CDK14: variants seen among roughly 807,000 people sequenced by gnomAD.
CDK14 encodes the protein cyclin-dependent kinase 14.
CDK14 carries 34 observed loss-of-function variants against 60.7 expected under a neutral mutation model. That is an observed-to-expected ratio of 0.56 (90% confidence interval 0.43 to 0.75). CDK14 has a LOEUF of 0.75. Ranked by LOEUF, CDK14 falls within the 30% of genes least tolerant of loss-of-function variation. The pLI is 0.00. For missense variants in CDK14, 482 were observed against 564.1 expected (o/e 0.85, Z 1.47); for synonymous variants, 197 against 203.7 (o/e 0.97, Z 0.28).
intron 6 of CDK14, among the ~76,000 whole-genome samples, chr7:90,874,498 T>A: frequency 7.3e-6 from 1 of 137,922 alleles, no homozygotes; most frequent in Non-Finnish European, 1.5e-5. Flanking sequence ...TCATGTCCTT[T>A]CATCCTTTTT....
chr7:90,959,909 G>A (rs1475617479), intron 9 of CDK14, among the ~76,000 whole-genome samples: 1 of 152,124 alleles, frequency 6.6e-6, no homozygotes, highest in Non-Finnish European at 1.5e-5. Flanking sequence ...TTAAGCAGAG[G>A]AATCAAATTG....
intron 2 of CDK14, among the ~76,000 whole-genome samples, chr7:90,643,128 A>G (rs1490447417): frequency 6.6e-6 from 1 of 152,360 alleles, no homozygotes; most frequent in East Asian, 1.9e-4. Context: ...TGTACAGCTC[A>G]AAAGATGAGC....
chr7:90,833,199 T>A (rs1187467432), intron 5 of CDK14, among the ~76,000 whole-genome samples: 1 of 152,204 alleles, frequency 6.6e-6, no homozygotes, highest in Non-Finnish European at 1.5e-5. Context: ...CAACTATTAG[T>A]TGATTGATAA....
intron 2 of CDK14, among the ~76,000 whole-genome samples, chr7:90,635,534 T>C (rs1800122257): frequency 1.3e-5 from 2 of 152,228 alleles, no homozygotes; most frequent in South Asian, 4.1e-4. Context: ...TTGGTTACTG[T>C]AGCCTTGTAG....
At chr7:90,773,915 T>C (rs1464746102) in intron 4 of CDK14, among the ~76,000 whole-genome samples, 1 of 145,008 alleles carries the variant, frequency 6.9e-6, no homozygotes, top group East Asian at 2.1e-4. Context: ...TTTTTTTTTT[T>C]TTTTTTGAGA....
chr7:90,653,682 ATTATAC>A (rs1008653206), intron 2 of CDK14, among the ~76,000 whole-genome samples: 50 of 152,122 alleles, frequency 3.3e-4, no homozygotes, highest in Non-Finnish European at 4.1e-4. Flanking sequence ...ATTTATTTTT[ATTATAC>A]TTTAAGTTCT....
chr7:91,186,347 A>G (rs1485943623), intron 14 of CDK14, among the ~76,000 whole-genome samples: 2 of 142,314 alleles, frequency 1.4e-5, no homozygotes, highest in Non-Finnish European at 3.1e-5. Flanking sequence ...TTTTATGGAT[A>G]TACCACATTT....
intron 2 of CDK14, among the ~76,000 whole-genome samples, chr7:90,604,831 GC>G (rs1486480321): frequency 6.6e-6 from 1 of 152,162 alleles, no homozygotes; most frequent in Non-Finnish European, 1.5e-5. Flanking sequence ...TTTTAAAATT[GC>G]AGTCATTCCT....
intron 14 of CDK14, among the ~76,000 whole-genome samples, chr7:91,158,094 T>C (rs1016937336): frequency 1.4e-5 from 2 of 147,736 alleles, no homozygotes; most frequent in African/African-American, 4.9e-5. Flanking sequence ...ATACATTAAA[T>C]ATATATAAAT....
chr7:90,713,267 G>A (rs183695364), intron 2 of CDK14, among the ~76,000 whole-genome samples: 51 of 152,002 alleles, frequency 3.4e-4, no homozygotes, highest in African/African-American at 1.1e-3. Flanking sequence ...ATTTTCTGTC[G>A]ACCATTTTGA....
chr7:90,960,164 A>G (rs540705615), intron 9 of CDK14, among the ~76,000 whole-genome samples: 12 of 152,044 alleles, frequency 7.9e-5, no homozygotes, highest in Non-Finnish European at 1.6e-4. Flanking sequence ...GAGGAATATA[A>G]ATTTTTAAAA....
At chr7:90,977,904 C>T (rs1795124593) in intron 9 of CDK14, among the ~76,000 whole-genome samples, 1 of 152,064 alleles carries the variant, frequency 6.6e-6, no homozygotes, top group Admixed American at 6.6e-5. Context: ...GATGTTCCAT[C>T]TAGAGGAGAC....
intron 6 of CDK14, among the ~76,000 whole-genome samples, chr7:90,890,390 ATAGGTAGGTAGG>A (rs976979033): frequency 6.6e-6 from 1 of 152,086 alleles, no homozygotes; most frequent in African/African-American, 2.4e-5. Context: ...AGGTAGGTAG[ATAGGTAGGTAGG>A]TAGGTAGACA....
chr7:90,868,943 A>T (rs1791282000), intron 6 of CDK14, among the ~76,000 whole-genome samples: 1 of 152,178 alleles, frequency 6.6e-6, no homozygotes, highest in South Asian at 2.1e-4. Flanking sequence ...ACCTTCCTAG[A>T]GTTTTATATG....
intron 2 of CDK14, among the ~76,000 whole-genome samples, chr7:90,609,199 A>G (rs1468500478): frequency 6.6e-6 from 1 of 151,842 alleles, no homozygotes; most frequent in African/African-American, 2.4e-5. Context: ...TAATTTTTGT[A>G]TTTTTTGTAG....
intron 9 of CDK14, among the ~76,000 whole-genome samples, chr7:90,971,774 C>T: frequency 6.6e-6 from 1 of 150,934 alleles, no homozygotes; most frequent in East Asian, 1.9e-4. Context: ...AATAAATGTA[C>T]ATAGTAATTA....
At chr7:91,198,499 A>G (rs903184145) in intron 14 of CDK14, among the ~76,000 whole-genome samples, 15 of 152,182 alleles carry the variant, frequency 9.9e-5, no homozygotes, top group African/African-American at 3.6e-4. Context: ...ACGAAAAGAA[A>G]GCATGTGGGA....
intron 13 of CDK14, among the ~76,000 whole-genome samples, chr7:91,116,991 T>C (rs374442108): frequency 2.7e-5 from 4 of 150,558 alleles, no homozygotes; most frequent in African/African-American, 7.4e-5. Flanking sequence ...ATATCATCTA[T>C]ACACTGGCAG....
rs1562817409 is a variant in CDK14 at position 90,895,325 on chromosome 7, C to CTTTCCTCTT, written c.640-3966_640-3965insTTTCCTCTT. ...CCCATTCTTTCCTCTTCTTTCCTCTCCTTTCCTCTCCTCTCCTCTCCTCTC... is the reference window on the plus strand; with the variant it reads ...CCCATTCTTTCCTCTTCTTTCCTCTCTTTCCTCTTCTTTCCTCTCCTCTCCTCTCCTCTC... On this transcript the variant is annotated intron_variant, in intron 6 of 14. Transcript: ENST00000380050. 1.1e-3 allele frequency among the ~76,000 whole-genome samples: 46 copies of CTTTCCTCTT among 40,940 alleles called. No homozygotes were observed. In the East Asian group the frequency reaches 0.016, roughly 14 times the overall value. 26.9% of individuals were successfully genotyped at this position (40,940 alleles called of 152,430 possible).
Sources: gnomAD v4.1 joint callset for allele counts (sites outside exome capture counted in the v4.1 genomes callset) on GRCh38, gnomAD v4.1.1 for gene constraint, MANE v1.5 for transcripts, NCBI Gene and HGNC (gene_info 2026-07-23, HGNC 2026-07-21) for gene names.